The following HERC2 variants were observed in gnomAD, a reference collection of about 807,000 sequenced individuals.
The protein encoded by HERC2 is E3 ubiquitin-protein ligase HERC2.
HERC2 carries 102 observed loss-of-function variants against 537.7 expected under a neutral mutation model. That is an observed-to-expected ratio of 0.19 (90% CI 0.16 to 0.22). The LOEUF is 0.22. HERC2 is among the 10% of genes least tolerant of loss of function. The pLI, the probability that HERC2 is intolerant of heterozygous loss-of-function variation, is 1.00. For missense variants in HERC2, 4,236 were observed against 6,198.2 expected, an observed-to-expected ratio of 0.68 and a Z score of 10.63; for synonymous variants, 2,224 against 2,466.2, an observed-to-expected ratio of 0.90 and a Z score of 2.91.
chr15:28,137,199 C>A (rs1033575046), intron 78 of HERC2, among the ~76,000 whole-genome samples: 1 of 152,158 alleles, frequency 6.6e-6, no homozygotes, highest in African/African-American at 2.4e-5. Context: ...AAACAGAATT[C>A]TCCTGAGAAT....
At chr15:28,207,721 T>C (rs554783465) in intron 44 of HERC2, among the ~76,000 whole-genome samples, 2 of 152,200 alleles carry the variant, frequency 1.3e-5, no homozygotes, top group South Asian at 4.1e-4. Flanking sequence ...AGCATTTGCA[T>C]GTGCTGGTTT....
At chr15:28,169,696 C>T in intron 65 of HERC2, 41 bp from the exon 66 acceptor site, 2 of 1,570,642 alleles carry the variant, frequency 1.3e-6, no homozygotes, top group South Asian at 1.2e-5. Flanking sequence ...TTTAAAATCA[C>T]AGTTTGATCT....
In HERC2 at chr15:28,176,356, G is replaced by A. The variant is rs1895291299; in HGVS notation, c.9686+72C>T. On this transcript the variant is annotated intron_variant, in intron 63 of 92. Transcript: ENST00000261609. The surrounding 1 kb of genome is among the most constrained non-coding windows in gnomAD (Gnocchi z 5.0). ...CGTCACAATCACGCCGGGTGAGCCT[G>A]GGGCGAGGCCCAGGTTCCCTGCACA... is the stretch of plus-strand genomic sequence containing the variant. 7.6e-6 allele frequency: 11 copies of A among 1,452,568 alleles called. No individual in the cohort carries two copies. Among genetic ancestry groups the A allele is most frequent in the Non-Finnish European group, 1.1e-5 (11 of 1,046,462 alleles). The allele number at this position is 1,452,568 out of a possible 1,614,324, so 90.0% of individuals were successfully genotyped here. A position where few individuals can be genotyped will look rare whatever the true frequency, so the allele number is the denominator to read the frequency against.
intron 2 of HERC2, among the ~76,000 whole-genome samples, chr15:28,314,802 A>G (rs1232128438): frequency 6.6e-6 from 1 of 151,934 alleles, no homozygotes; most frequent in Non-Finnish European, 1.5e-5. Flanking sequence ...TGGAGGTTGC[A>G]GTGAGCCAAG....
chr15:28,255,975 A>C lies in HERC2; in HGVS notation c.2768T>G (p.Ile923Arg). Residue 923 changes from isoleucine (I) to arginine (R), a missense_variant, in exon 19 of 93, where the codon ATA (isoleucine) becomes AGA (arginine). Ile to Arg is a moderately conservative substitution (Grantham distance 97). This residue lies in a region of HERC2 where 754 missense variants were observed against 1,085.0 expected (regional missense o/e 0.69). Transcript: ENST00000261609. ...AATCATGAATCGACGACCTGGACTT[A>C]TGTTCACTTCATTGCCTGAAACTGA... ...PCAVSGNEVN[I>R]SPGRRFMIDL... 1 of 1,606,392 alleles carries C rather than the reference A, an allele frequency of 6.2e-7. No homozygotes were observed. Among genetic ancestry groups the C allele is most frequent in the Non-Finnish European group, 8.5e-7 (1 of 1,179,814 alleles).
chr15:28,300,852 AATT>A (rs1172929710), intron 2 of HERC2, among the ~76,000 whole-genome samples: 3 of 135,782 alleles, frequency 2.2e-5, no homozygotes, highest in East Asian at 4.1e-4. Context: ...AAAAAAAAAA[AATT>A]AAGGTTTTCA....
chr15:28,292,891 G>C lies in HERC2; in HGVS notation c.319C>G (p.Pro107Ala). 6.2e-7 allele frequency: 1 copy of C among 1,609,232 alleles called. No homozygotes were observed. The highest frequency in any genetic ancestry group is 8.5e-7 in the Non-Finnish European group (1 of 1,179,418). Residue 107 changes from proline to alanine, a missense_variant, in exon 4 of 93, where the codon CCA becomes GCA. By Grantham distance (27) the Pro-to-Ala change is conservative (BLOSUM62 -1). Around this residue, in one of 27 missense-constraint regions of HERC2, gnomAD observed 491 missense variants for 559.3 expected, o/e 0.88. Transcript: ENST00000261609. ...GTGCCAAAATTCACAAGATTACCTG[G>C]TTGCTTGCCCCATACCCAGCTGTCC... ...ILDSWVWGKQPDVNELKECLS... is the reference protein window; with the variant it reads ...ILDSWVWGKQADVNELKECLS...
Position 28,113,058 on chromosome 15 carries a change from G to A in HERC2, c.14232+13C>T, listed in dbSNP as rs1350285692. 1.2e-5 allele frequency: 20 copies of A among 1,610,028 alleles called. No individual in the cohort carries two copies. In the South Asian group the frequency reaches 1.9e-4, roughly 15 times the overall value. On this transcript the variant is annotated intron_variant, in intron 92 of 92. Coordinates refer to ENST00000261609, the MANE Select transcript of HERC2 (RefSeq NM_004667.6). The surrounding 1 kb of genome is among the most constrained non-coding windows in gnomAD (Gnocchi z 7.0). The stretch of plus-strand genomic sequence containing the variant: ...CATCAGCCCAGGGCCGGCAAGCCCA[G>A]CCAGGAGCCTACCTGGATGACGAAG...
intron 3 of HERC2, among the ~76,000 whole-genome samples, chr15:28,293,875 A>C (rs1273011181): frequency 2.6e-5 from 4 of 152,234 alleles, no homozygotes; most frequent in Non-Finnish European, 4.4e-5. Context: ...AGTCAAAAAC[A>C]ACTGTCATAA....
rs757577495 is a variant in HERC2 at position 28,116,858 on chromosome 15, A to G, written c.13416T>C (p.Gly4472=). ...CGCCCCCACAGTCATCCACAGATTCACCTGCAGGGGAGAAGCAGCCACTCG... is the reference window on the plus strand; with the variant it reads ...CGCCCCCACAGTCATCCACAGATTCGCCTGCAGGGGAGAAGCAGCCACTCG... The part of the protein sequence containing the change: ...PHRVWKVKFV[G]ESVDDCGGGY... The change falls in exon 88 of 93, where the codon GGT becomes GGC. Residue 4472 remains glycine, a splice_region_variant and synonymous_variant. Coordinates refer to ENST00000261609, the MANE Select transcript of HERC2 (RefSeq NM_004667.6). The G allele has an allele frequency of 1.2e-6, 2 of 1,610,234 alleles. No homozygotes were observed. The highest frequency in any genetic ancestry group is 1.7e-6 in the Non-Finnish European group (2 of 1,178,210).
intron 70 of HERC2, among the ~76,000 whole-genome samples, chr15:28,148,053 A>G (rs1383295307): frequency 6.6e-6 from 1 of 151,696 alleles, no homozygotes; most frequent in African/African-American, 2.4e-5. Flanking sequence ...AAAAAAAAAG[A>G]AAAGTGAGAA....
chr15:28,238,521 A>G (rs1265305707), intron 24 of HERC2, 81 bp downstream of exon 24: 86 of 1,200,502 alleles, frequency 7.2e-5, no homozygotes, highest in Non-Finnish European at 9.4e-5. Context: ...AAAACTAAAG[A>G]AATCATTTAT....
At position 28,220,554 on chromosome 15, in the gene HERC2, A is replaced by AGTT. The variant is rs1467468246; in HGVS notation, c.5740_5742dup (p.Asn1914dup). 1 of 1,601,054 alleles carries AGTT rather than the reference A, an allele frequency of 6.2e-7. No individual in the cohort carries two copies. Among genetic ancestry groups the AGTT allele is most frequent in the African/African-American group, 1.3e-5 (1 of 74,872 alleles). On this transcript the variant is annotated inframe_insertion, in exon 37 of 93. Transcript: ENST00000261609. ...TTTCCTTCTTTCCCCATCCTGTAGGAGTTGGTGCTGCCTGTGTCCCACTGG... is the reference window on the plus strand; with the variant it reads ...TTTCCTTCTTTCCCCATCCTGTAGGAGTTGTTGGTGCTGCCTGTGTCCCACTGG...
rs1891359624 is a variant in HERC2 at position 28,142,814 on chromosome 15, A to C, written c.11544+13T>G. The C allele has an allele frequency of 6.6e-7, 1 of 1,508,510 alleles. No homozygotes were observed. Among genetic ancestry groups the C allele is most frequent in the Admixed American group, 2.1e-5 (1 of 47,080 alleles). 93.4% of individuals were successfully genotyped at this position (1,508,510 alleles called of 1,614,324 possible). On this transcript the variant is annotated intron_variant, in intron 75 of 92. Coordinates refer to ENST00000261609, the MANE Select transcript of HERC2 (RefSeq NM_004667.6). ...AGCTCTATTGTCACTTTAAAAAAGA[A>C]GTGAAACATTACCTTAAAGAATGGG...
chr15:28,156,976 A>G (rs1455003106), intron 69 of HERC2, among the ~76,000 whole-genome samples: 1 of 152,288 alleles, frequency 6.6e-6, no homozygotes, highest in East Asian at 1.9e-4. Flanking sequence ...GAATTTTGTC[A>G]AAGGCCTTTT....
Position 28,269,351 on chromosome 15 carries a change from A to C in HERC2, c.1343T>G (p.Leu448Arg). ...NVIGPIQCEG[L>R]ANLGVTQIAC... ...AATCTGTGTGACTCCCAGGTTGGCC[A>C]GGCCTTCGCACTGGATTGGACCAAT... Residue 448 changes from leucine (L) to arginine (R), a missense_variant, in exon 11 of 93, where the codon CTG (leucine) becomes CGG (arginine). Transcript: ENST00000261609. The C allele has an allele frequency of 6.2e-7, 1 of 1,614,240 alleles. No individual in the cohort carries two copies. Among genetic ancestry groups the C allele is most frequent in the Non-Finnish European group, 8.5e-7 (1 of 1,180,046 alleles).
intron 1 of HERC2, among the ~76,000 whole-genome samples, chr15:28,321,797 CG>C (rs2077237871): frequency 7.1e-6 from 1 of 140,840 alleles, no homozygotes; most frequent in Non-Finnish European, 1.5e-5. Flanking sequence ...GGGAGCCCAT[CG>C]TTTTAACGAC....
rs1445658208 is a variant in HERC2, at chr15:28,135,613, T to C, written c.12095A>G (p.Glu4032Gly). Reference sequence around the variant, plus strand: ...CTTAATAAACACATGCTGAATGGATTCAAGCAATGTTGGGGTGGACACCGA... The same window carrying C: ...CTTAATAAACACATGCTGAATGGATCCAAGCAATGTTGGGGTGGACACCGA... ...TESVSTPTLLESIQHVFIKKV... is the reference protein window; with the variant it reads ...TESVSTPTLLGSIQHVFIKKV... Residue 4032 changes from glutamate to glycine, a missense_variant, in exon 79 of 93, where the codon GAA (glutamate) becomes GGA (glycine). This residue lies in a region of HERC2 where 43 missense variants were observed against 82.6 expected (regional missense o/e 0.52). Transcript: ENST00000261609. 2 of 1,614,208 alleles carry C rather than the reference T, an allele frequency of 1.2e-6. No individual in the cohort carries two copies. Among genetic ancestry groups the C allele is most frequent in the South Asian group, 1.1e-5 (1 of 91,084 alleles).
intron 69 of HERC2, among the ~76,000 whole-genome samples, chr15:28,160,404 T>C (rs1193076154): frequency 1.3e-5 from 2 of 152,144 alleles, no homozygotes; most frequent in East Asian, 1.9e-4. Flanking sequence ...CCGGGCCGCT[T>C]TGTTTACCTA....
Sources: gnomAD v4.1 joint callset for allele counts (sites outside exome capture counted in the v4.1 genomes callset) on GRCh38, gnomAD v4.1.1 for gene constraint, gnomAD v4.1.1 regional missense constraint, Gnocchi (gnomAD v3.1) non-coding constraint, MANE v1.5 for transcripts, NCBI Gene and HGNC (gene_info 2026-07-23, HGNC 2026-07-21) for gene names.